The following PTPRD variants were observed in gnomAD, a reference collection of about 807,000 sequenced individuals.
The protein encoded by PTPRD is protein tyrosine phosphatase receptor type D.
PTPRD carries 34 observed loss-of-function variants against 214.5 expected under a neutral mutation model. That is an observed-to-expected ratio of 0.16 (90% CI 0.12 to 0.21). The LOEUF (loss-of-function observed/expected upper bound fraction) is 0.21. Ranked by LOEUF, PTPRD falls within the 10% of genes least tolerant of loss-of-function variation. The pLI is 1.00. For synonymous variants in PTPRD, 1,128 were observed against 845.7 expected (o/e 1.33, Z -5.79); for missense variants, 2,545 against 2,398.7 (o/e 1.06, Z -1.27).
intron 5 of PTPRD, among the ~76,000 whole-genome samples, chr9:9,826,442 G>C (rs1374409786): frequency 1.3e-5 from 2 of 151,928 alleles, no homozygotes; most frequent in East Asian, 3.9e-4. Flanking sequence ...GACTTTACTG[G>C]CTAGATTTTA....
intron 11 of PTPRD, among the ~76,000 whole-genome samples, chr9:8,771,960 T>C (rs2095243737): frequency 6.6e-6 from 1 of 152,120 alleles, no homozygotes; most frequent in Admixed American, 6.5e-5. Context: ...AATATCAGAC[T>C]GTAAGAATAA....
intron 7 of PTPRD, among the ~76,000 whole-genome samples, chr9:9,595,013 AT>A (rs1393321322): frequency 4.6e-5 from 7 of 152,032 alleles, no homozygotes; most frequent in Non-Finnish European, 1.0e-4. Flanking sequence ...GATTAGGGGA[AT>A]GCAAATCAAA....
At chr9:10,532,629 A>G (rs1407825354) in intron 2 of PTPRD, among the ~76,000 whole-genome samples, 1 of 147,738 alleles carries the variant, frequency 6.8e-6, no homozygotes, top group East Asian at 2.0e-4. Context: ...ATATTTATAT[A>G]TATTAGATAT....
At chr9:9,658,481 T>A (rs551833113) in intron 7 of PTPRD, among the ~76,000 whole-genome samples, 10 of 152,182 alleles carry the variant, frequency 6.6e-5, no homozygotes, top group Non-Finnish European at 1.2e-4. Flanking sequence ...GAACATCTAG[T>A]ACAATGAATG....
At chr9:8,908,430 C>T (rs1249617865) in intron 11 of PTPRD, among the ~76,000 whole-genome samples, 1 of 151,636 alleles carries the variant, frequency 6.6e-6, no homozygotes, top group Non-Finnish European at 1.5e-5. Flanking sequence ...AAGAAATCAA[C>T]AACAGAAAAA....
At chr9:10,211,716 A>G (rs1367183511) in intron 3 of PTPRD, among the ~76,000 whole-genome samples, 1 of 152,162 alleles carries the variant, frequency 6.6e-6, no homozygotes, top group Non-Finnish European at 1.5e-5. Flanking sequence ...CAAAAACCAT[A>G]TATTCTTACT....
intron 36 of PTPRD, among the ~76,000 whole-genome samples, chr9:8,401,597 G>A (rs1458275632): frequency 6.6e-6 from 1 of 152,048 alleles, no homozygotes; most frequent in Non-Finnish European, 1.5e-5. Context: ...ATGTCACCAA[G>A]TGTCACTATT....
chr9:9,429,929 A>G (rs529939464), intron 8 of PTPRD, among the ~76,000 whole-genome samples: 3 of 152,160 alleles, frequency 2.0e-5, no homozygotes, highest in Non-Finnish European at 2.9e-5. Flanking sequence ...TTTATGACAA[A>G]CCCACAGCCA....
intron 3 of PTPRD, among the ~76,000 whole-genome samples, chr9:10,175,158 T>A (rs116919767): frequency 0.015 from 2,304 of 152,186 alleles, 26 homozygotes; most frequent in Middle Eastern, 0.027. Context: ...CCAAAAATTA[T>A]CAGGATGCTG....
chr9:10,482,612 A>G (rs190464623), intron 2 of PTPRD, among the ~76,000 whole-genome samples: 316 of 152,242 alleles, frequency 2.1e-3, no homozygotes, highest in African/African-American at 7.1e-3. Context: ...TGAATTCAGA[A>G]AAGTTTCAGG....
intron 11 of PTPRD, among the ~76,000 whole-genome samples, chr9:8,879,694 A>G (rs1339167688): frequency 1.3e-5 from 2 of 152,206 alleles, no homozygotes; most frequent in Non-Finnish European, 2.9e-5. Context: ...CCTGGATCTT[A>G]GCGTTCCTGC....
chr9:8,779,729 G>A (rs1480849570), intron 11 of PTPRD, among the ~76,000 whole-genome samples: 2 of 151,598 alleles, frequency 1.3e-5, no homozygotes, highest in Non-Finnish European at 2.9e-5. Flanking sequence ...CACAAACTCA[G>A]CCAAATCGTG....
At chr9:9,222,213 TGATAGACCACTAGATTCCTTGCCCA>T (rs1184818771) in intron 9 of PTPRD, among the ~76,000 whole-genome samples, 1 of 152,058 alleles carries the variant, frequency 6.6e-6, no homozygotes, top group Non-Finnish European at 1.5e-5. Flanking sequence ...CTATAGCCTG[TGATAGACCACTAGATTCCTTGCCCA>T]GAAAGTTTAG....
At chr9:9,736,573 C>T (rs998129600) in intron 6 of PTPRD, among the ~76,000 whole-genome samples, 6 of 151,902 alleles carry the variant, frequency 3.9e-5, no homozygotes, top group South Asian at 2.1e-4. Context: ...AATAGTGTTA[C>T]GAGAATTGCC....
At chr9:10,220,062 T>G (rs1158812331) in intron 3 of PTPRD, among the ~76,000 whole-genome samples, 1 of 151,844 alleles carries the variant, frequency 6.6e-6, no homozygotes, top group African/African-American at 2.4e-5. Flanking sequence ...GAAAATAATT[T>G]TACATATTTT....
chr9:9,920,367 T>A (rs1011589899), intron 5 of PTPRD, among the ~76,000 whole-genome samples: 1 of 152,124 alleles, frequency 6.6e-6, no homozygotes, highest in Non-Finnish European at 1.5e-5. Context: ...TCTACTTCAA[T>A]ATCCCTGCTG....
intron 5 of PTPRD, among the ~76,000 whole-genome samples, chr9:9,863,956 C>G (rs2063360588): frequency 6.6e-6 from 1 of 152,096 alleles, no homozygotes; most frequent in Non-Finnish European, 1.5e-5. Context: ...GTTGATTTCT[C>G]ATTTATTACT....
chr9:10,053,575 T>C (rs912917611), intron 3 of PTPRD, among the ~76,000 whole-genome samples: 20 of 152,124 alleles, frequency 1.3e-4, no homozygotes, highest in African/African-American at 4.6e-4. Context: ...CAAGAAACAA[T>C]GACCTCATAA....
chr9:10,151,506 C>T (rs1398984255), intron 3 of PTPRD, among the ~76,000 whole-genome samples: 1 of 151,930 alleles, frequency 6.6e-6, no homozygotes, highest in Admixed American at 6.6e-5. Context: ...GGTGATCCAC[C>T]CACCTCGGCC....
Sources: allele counts gnomAD v4.1 joint callset (sites outside exome capture counted in the v4.1 genomes callset), GRCh38; gene constraint gnomAD v4.1.1; transcripts MANE v1.5; gene names NCBI Gene and HGNC (gene_info 2026-07-23, HGNC 2026-07-21).